The following TRPC7 variants were observed in gnomAD, a reference collection of about 807,000 sequenced individuals.
TRPC7 encodes short transient receptor potential channel 7.
A neutral mutation model predicts 90.1 loss-of-function variants in TRPC7; 42 were observed. The ratio of observed to expected loss-of-function variants is 0.47; its 90% CI spans 0.36 to 0.60. TRPC7 has a LOEUF of 0.60. Among genes scored for constraint, TRPC7 ranks in the 20% least tolerant of loss-of-function variants. The pLI is 0.00. For synonymous variants in TRPC7, 451 were observed against 436.3 expected (o/e 1.03, Z -0.42); for missense variants, 955 against 1,112.3 (o/e 0.86, Z 2.01).
rs201400042 is a variant in TRPC7 at position 136,213,518 on chromosome 5, C to T, written c.2506G>A (p.Asp836Asn). The change falls in exon 12 of 12, where the codon GAC becomes AAC. Residue 836 changes from aspartate (D) to asparagine (N), a missense_variant. This residue lies in a region of TRPC7 where 296 missense variants were observed against 422.7 expected (regional missense o/e 0.70). Transcript: ENST00000513104. ...TTCTCGCTGAGTTGTTGAATCAGGT[C>T]TGCCAGCTCACCAGTAGCTTGAGAT... ...EKSQATGELA[D>N]LIQQLSEKFG... is the part of the protein sequence containing the mutation. 2,659 of 1,614,046 alleles carry T rather than the reference C, an allele frequency of 1.6e-3. 7 individuals are homozygous for T. Among genetic ancestry groups the T allele is most frequent in the Non-Finnish European group, 1.8e-3 (2,096 of 1,179,890 alleles).
At chr5:136,282,232 T>C (rs1757571018) in intron 3 of TRPC7, among the ~76,000 whole-genome samples, 1 of 152,156 alleles carries the variant, frequency 6.6e-6, no homozygotes, top group African/African-American at 2.4e-5. Context: ...GTGGTGGTCA[T>C]ACATTTTTCA....
intron 2 of TRPC7, among the ~76,000 whole-genome samples, chr5:136,350,108 T>A (rs757900052): frequency 1.3e-5 from 2 of 152,210 alleles, no homozygotes; most frequent in Non-Finnish European, 2.9e-5. Flanking sequence ...CACTCTGTGA[T>A]GTTCACACAG....
chr5:136,297,322 G>A (rs1246025314), intron 3 of TRPC7, among the ~76,000 whole-genome samples: 4 of 152,130 alleles, frequency 2.6e-5, no homozygotes, highest in African/African-American at 4.8e-5. Context: ...GGGTGTCACA[G>A]GATGATCCCC....
At chr5:136,313,996 A>G (rs1170117101) in intron 3 of TRPC7, among the ~76,000 whole-genome samples, 2 of 152,246 alleles carry the variant, frequency 1.3e-5, no homozygotes, top group Non-Finnish European at 2.9e-5. Context: ...GAGTAACTCC[A>G]GCCTCCATGT....
In TRPC7 at chr5:136,350,122, T is replaced by G. The variant is rs140834636; in HGVS notation, c.780+6486A>C. Among the ~76,000 whole-genome samples the G allele has an allele frequency of 1.1e-4, 16 of 152,350 alleles. No homozygotes were observed. The East Asian group carries it at 3.1e-3, about 29-fold the overall frequency. ...ACACTCTGTGATGTTCACACAGTGATGAAATTGCTTAAGGATGCATTTCTC... is the reference window on the plus strand; with the variant it reads ...ACACTCTGTGATGTTCACACAGTGAGGAAATTGCTTAAGGATGCATTTCTC... On this transcript the variant is annotated intron_variant, in intron 2 of 11. Transcript: ENST00000513104.
intron 3 of TRPC7, among the ~76,000 whole-genome samples, chr5:136,313,053 G>A (rs1319762691): frequency 7.2e-6 from 1 of 138,866 alleles, no homozygotes; most frequent in Non-Finnish European, 1.5e-5. Context: ...TTGGCATCAA[G>A]CAATCCTCCT....
intron 2 of TRPC7, among the ~76,000 whole-genome samples, chr5:136,354,716 T>G (rs556955497): frequency 3.3e-5 from 5 of 152,250 alleles, no homozygotes; most frequent in Admixed American, 3.3e-4. Context: ...TTAAAAGTGC[T>G]CAGCCTGACC....
intron 7 of TRPC7, among the ~76,000 whole-genome samples, chr5:136,241,281 C>T (rs1379776827): frequency 6.6e-6 from 1 of 152,224 alleles, no homozygotes; most frequent in African/African-American, 2.4e-5. Context: ...AACTCTCAAC[C>T]CAGCTATGCT....
intron 2 of TRPC7, among the ~76,000 whole-genome samples, chr5:136,351,556 G>A (rs1018747140): frequency 2.6e-4 from 39 of 152,326 alleles, no homozygotes; most frequent in African/African-American, 9.1e-4. Flanking sequence ...GCCCAGGTGG[G>A]GGCCTTTCCC....
At position 136,274,756 on chromosome 5, in the gene TRPC7, C is replaced by T. The variant is rs771143978; in HGVS notation, c.1045G>A (p.Ala349Thr). The T allele has an allele frequency of 6.8e-6, 11 of 1,610,310 alleles. No individual in the cohort carries two copies. Among genetic ancestry groups the T allele is most frequent in the African/African-American group, 5.3e-5 (4 of 74,836 alleles). ...NLSGLRQQSI[A>T]VKFLAVFGVS... ...CCAAAGACAGCCAGGAATTTCACAG[C>T]GATAGACTGTTGACGTAAGCCTGAG... Residue 349 changes from alanine (A) to threonine (T), a missense_variant, in exon 4 of 12, where the codon GCT becomes ACT. Ala to Thr is a moderately conservative substitution (Grantham distance 58). Around this residue, in one of 4 missense-constraint regions of TRPC7, gnomAD observed 484 missense variants for 509.6 expected, o/e 0.95. Transcript: ENST00000513104.
chr5:136,302,840 C>T (rs1343769363), intron 3 of TRPC7, among the ~76,000 whole-genome samples: 5 of 152,112 alleles, frequency 3.3e-5, no homozygotes, highest in African/African-American at 1.2e-4. Context: ...CCTTCCTAGT[C>T]TCTGTGCCCA....
intron 4 of TRPC7, among the ~76,000 whole-genome samples, chr5:136,268,135 A>C (rs938030538): frequency 3.9e-5 from 6 of 152,158 alleles, no homozygotes; most frequent in African/African-American, 1.4e-4. Context: ...GCTAGTTTGA[A>C]GTTTTTGACA....
At chr5:136,246,295 C>T (rs1191628544) in intron 7 of TRPC7, among the ~76,000 whole-genome samples, 2 of 152,212 alleles carry the variant, frequency 1.3e-5, no homozygotes, top group Admixed American at 6.5e-5. Context: ...CCTGGCTTGC[C>T]CAGCCAGGCA....
At chr5:136,348,137 T>C (rs1760070820) in intron 2 of TRPC7, among the ~76,000 whole-genome samples, 1 of 152,228 alleles carries the variant, frequency 6.6e-6, no homozygotes, top group South Asian at 2.1e-4. Flanking sequence ...CCAAACTGCA[T>C]ATATGAGTCA....
chr5:136,250,753 A>AG (rs1276021511), intron 6 of TRPC7, among the ~76,000 whole-genome samples: 1 of 152,202 alleles, frequency 6.6e-6, no homozygotes, highest in Non-Finnish European at 1.5e-5. Flanking sequence ...TTTACATATG[A>AG]GAAAAAAGAG....
intron 6 of TRPC7, among the ~76,000 whole-genome samples, chr5:136,248,934 C>T (rs937974760): frequency 2.6e-5 from 4 of 152,200 alleles, no homozygotes; most frequent in Non-Finnish European, 5.9e-5. Context: ...ATGCTAATGT[C>T]CTGCAATGCT....
In TRPC7 at chr5:136,356,941, G is replaced by C. The variant is rs200679708; in HGVS notation, c.447C>G (p.Asp149Glu). The C allele has an allele frequency of 1.3e-3, 2,068 of 1,613,130 alleles. 3 individuals carry two copies. The highest frequency in any genetic ancestry group is 2.0e-3 in the Middle Eastern group (12 of 6,062). Reference sequence around the variant, plus strand: ...CGTCCTCGTCGTAGGCATAGAAGTCGTCGTCGCGCAGCTCCTGTTCCAGCG... The same window carrying C: ...CGTCCTCGTCGTAGGCATAGAAGTCCTCGTCGCGCAGCTCCTGTTCCAGCG... ...LSPLEQELRD[D>E]DFYAYDEDGT... is the part of the protein sequence containing the mutation. The change falls in exon 2 of 12, where the codon GAC becomes GAG. Residue 149 changes from aspartate to glutamate, a missense_variant. Around this residue, in one of 4 missense-constraint regions of TRPC7, gnomAD observed 484 missense variants for 509.6 expected, o/e 0.95. Transcript: ENST00000513104.
At chr5:136,213,981 C>T (rs1488361826) in intron 11 of TRPC7, 1 of 196,074 alleles carries the variant, frequency 5.1e-6, no homozygotes, top group Non-Finnish European at 1.1e-5. Context: ...CCCCATTAAC[C>T]AGAGCATTGC....
intron 2 of TRPC7, among the ~76,000 whole-genome samples, chr5:136,327,422 G>T (rs1177986432): frequency 6.6e-6 from 1 of 152,138 alleles, no homozygotes; most frequent in African/African-American, 2.4e-5. Flanking sequence ...CACTTGAAAG[G>T]GCTGCAGGAA....
Sources: gnomAD v4.1 joint callset for allele counts (sites outside exome capture counted in the v4.1 genomes callset) on GRCh38, gnomAD v4.1.1 for gene constraint, gnomAD v4.1.1 regional missense constraint, MANE v1.5 for transcripts, NCBI Gene and HGNC (gene_info 2026-07-23, HGNC 2026-07-21) for gene names.